Variants in CNTN5 observed in about 807,000 individuals in gnomAD.
The protein encoded by CNTN5 is contactin-5.
Under a neutral mutation model 129.1 loss-of-function variants are expected in CNTN5, and 77 were observed. That is an observed-to-expected ratio of 0.60 (90% CI 0.50 to 0.72). The LOEUF (loss-of-function observed/expected upper bound fraction) is 0.72, where lower values mean the gene tolerates loss of function less well. Among genes scored for constraint, CNTN5 ranks in the 30% least tolerant of loss-of-function variants. The probability of loss-of-function intolerance (pLI) is 0.00; values close to 1 mark genes in which losing one functional copy is unlikely to be tolerated. For synonymous variants in CNTN5, 509 were observed against 465.6 expected (o/e 1.09, Z -1.20); for missense variants, 1,478 against 1,328.8 (o/e 1.11, Z -1.75).
At chr11:99,578,590 C>A (rs367870549) in intron 3 of CNTN5, among the ~76,000 whole-genome samples, 6,413 of 149,540 alleles carry the variant, frequency 0.043, 184 homozygotes, top group South Asian at 0.088. Context: ...TGATCATGAG[C>A]ATTTTTTCAT....
intron 3 of CNTN5, among the ~76,000 whole-genome samples, chr11:99,602,265 G>T (rs916877146): frequency 6.6e-6 from 1 of 151,832 alleles, no homozygotes; most frequent in Non-Finnish European, 1.5e-5. Context: ...TTTCTATCTT[G>T]ATTATTTACT....
At chr11:99,407,116 A>G (rs879766011) in intron 2 of CNTN5, among the ~76,000 whole-genome samples, 2 of 152,160 alleles carry the variant, frequency 1.3e-5, no homozygotes, top group Non-Finnish European at 2.9e-5. Context: ...TTTCTCGAGC[A>G]ATAGTAGTTT....
At chr11:99,961,813 C>G (rs1254539946) in intron 8 of CNTN5, among the ~76,000 whole-genome samples, 1 of 152,070 alleles carries the variant, frequency 6.6e-6, no homozygotes, top group Non-Finnish European at 1.5e-5. Flanking sequence ...AGCCTGAGAG[C>G]CAGCTCCCTG....
intron 3 of CNTN5, among the ~76,000 whole-genome samples, chr11:99,717,085 C>G (rs536746266): frequency 6.6e-6 from 1 of 151,916 alleles, no homozygotes; most frequent in African/African-American, 2.4e-5. Context: ...GAATCGGAAC[C>G]CACAAATTGT....
At chr11:99,842,085 G>C (rs1024946286) in intron 4 of CNTN5, among the ~76,000 whole-genome samples, 1 of 151,836 alleles carries the variant, frequency 6.6e-6, no homozygotes, top group Non-Finnish European at 1.5e-5. Context: ...AGTACAGATA[G>C]GGTTTCACCG....
At chr11:99,487,235 C>T (rs972727458) in intron 2 of CNTN5, among the ~76,000 whole-genome samples, 1 of 152,190 alleles carries the variant, frequency 6.6e-6, no homozygotes, top group African/African-American at 2.4e-5. Context: ...GCAAGGCTGA[C>T]ACATTAATTA....
chr11:99,154,940 A>G (rs1860259384), intron 1 of CNTN5, among the ~76,000 whole-genome samples: 1 of 152,162 alleles, frequency 6.6e-6, no homozygotes, highest in African/African-American at 2.4e-5. Context: ...GTGCTCCACT[A>G]CAGACGGTCC....
chr11:99,864,699 A>G (rs189823367), intron 6 of CNTN5, among the ~76,000 whole-genome samples: 1 of 152,102 alleles, frequency 6.6e-6, no homozygotes, highest in Non-Finnish European at 1.5e-5. Context: ...ACTTCTTTTG[A>G]TAGGTGTCAT....
intron 3 of CNTN5, among the ~76,000 whole-genome samples, chr11:99,679,426 G>C (rs1953455865): frequency 6.6e-6 from 1 of 151,844 alleles, no homozygotes; most frequent in African/African-American, 2.4e-5. Flanking sequence ...ATCACATTTT[G>C]GTAATTCTCA....
chr11:99,798,255 A>G (rs962470088), intron 3 of CNTN5, among the ~76,000 whole-genome samples: 1 of 151,636 alleles, frequency 6.6e-6, no homozygotes, highest in Non-Finnish European at 1.5e-5. Context: ...TAAGCAATCC[A>G]TGTTCCTGCC....
intron 2 of CNTN5, among the ~76,000 whole-genome samples, chr11:99,476,175 T>C (rs563663620): frequency 6.6e-6 from 1 of 152,192 alleles, no homozygotes; most frequent in South Asian, 2.1e-4. Flanking sequence ...TTCTTTGATT[T>C]ATTTTTAAAT....
intron 9 of CNTN5, among the ~76,000 whole-genome samples, chr11:100,040,362 G>A (rs910237281): frequency 5.3e-5 from 8 of 152,184 alleles, no homozygotes; most frequent in Non-Finnish European, 1.0e-4. Context: ...GGCCGTATGA[G>A]GTGTCAGTCC....
intron 3 of CNTN5, among the ~76,000 whole-genome samples, chr11:99,805,355 G>A (rs1166272458): frequency 2.0e-5 from 3 of 152,102 alleles, no homozygotes; most frequent in Admixed American, 6.6e-5. Flanking sequence ...ACATAAAAAA[G>A]CCCGAAGGTC....
At chr11:100,043,007 G>C (rs1278168172) in intron 9 of CNTN5, among the ~76,000 whole-genome samples, 1 of 150,574 alleles carries the variant, frequency 6.6e-6, no homozygotes, top group Non-Finnish European at 1.5e-5. Context: ...CATTCTTCTA[G>C]TGTAGCTAAA....
At chr11:100,188,237 A>G (rs1014887605) in intron 13 of CNTN5, among the ~76,000 whole-genome samples, 15 of 152,176 alleles carry the variant, frequency 9.9e-5, no homozygotes, top group African/African-American at 3.4e-4. Flanking sequence ...TGAAGCCAGG[A>G]GTTCAAGACC....
chr11:99,447,522 T>C (rs564961612), intron 2 of CNTN5, among the ~76,000 whole-genome samples: 66 of 152,334 alleles, frequency 4.3e-4, no homozygotes, highest in African/African-American at 1.5e-3. Context: ...CTTAATGAAG[T>C]TATAAAAATT....
intron 15 of CNTN5, among the ~76,000 whole-genome samples, chr11:100,213,253 G>A (rs1466671931): frequency 6.6e-6 from 1 of 152,054 alleles, no homozygotes; most frequent in Non-Finnish European, 1.5e-5. Flanking sequence ...ATGATAATTG[G>A]TGTTGCAATA....
chr11:99,586,666 A>G (rs1949803246), intron 3 of CNTN5, among the ~76,000 whole-genome samples: 1 of 152,224 alleles, frequency 6.6e-6, no homozygotes, highest in South Asian at 2.1e-4. Context: ...GGAAGATACT[A>G]TACCCTATAT....
At chr11:99,106,500 T>C (rs1400307274) in intron 1 of CNTN5, among the ~76,000 whole-genome samples, 1 of 152,042 alleles carries the variant, frequency 6.6e-6, no homozygotes, top group African/African-American at 2.4e-5. Flanking sequence ...ATGTAGTTCC[T>C]ATAATTATTT....
Sources: gnomAD v4.1 joint callset for allele counts (sites outside exome capture counted in the v4.1 genomes callset) on GRCh38, gnomAD v4.1.1 for gene constraint, MANE v1.5 for transcripts, NCBI Gene and HGNC (gene_info 2026-07-23, HGNC 2026-07-21) for gene names.